WDR5: variants seen among roughly 807,000 people sequenced by gnomAD.
WDR5 encodes the protein WD repeat domain 5.
For synonymous variants in WDR5, 144 were observed against 161.6 expected (o/e 0.89, Z 0.83); for missense variants, 187 against 416.9 (o/e 0.45, Z 4.80).
rs149244803 is a variant in WDR5 at position 134,151,890 on chromosome 9, C to T, written c.585-93C>T. On this transcript the variant is annotated intron_variant, in intron 8 of 13. Coordinates refer to ENST00000358625, the MANE Select transcript of WDR5 (RefSeq NM_017588.3). Reference sequence around the variant, plus strand: ...ACTTTTAAAAAAAGATAGGGAAAAGCGTGCTAGTCCTAAAATTTATATCTG... The same window carrying T: ...ACTTTTAAAAAAAGATAGGGAAAAGTGTGCTAGTCCTAAAATTTATATCTG... 344 of 1,252,072 alleles carry T rather than the reference C, an allele frequency of 2.7e-4. 1 individual carries two copies. In the East Asian group the frequency reaches 7.8e-3, roughly 29 times the overall value. 77.6% of individuals were successfully genotyped at this position (1,252,072 alleles called of 1,614,324 possible). A position where few individuals can be genotyped will look rare whatever the true frequency, so the allele number is the denominator to read the frequency against.
At chr9:134,149,700 T>G (rs1047513581) in intron 8 of WDR5, among the ~76,000 whole-genome samples, 3 of 152,154 alleles carry the variant, frequency 2.0e-5, no homozygotes, top group Non-Finnish European at 2.9e-5. Flanking sequence ...GGGAAACAAA[T>G]GAGAACATAG....
Position 134,139,947 on chromosome 9 carries a change from A to G in WDR5, c.70A>G (p.Thr24Ala). 1 of 1,613,610 alleles carries G rather than the reference A, an allele frequency of 6.2e-7. No individual in the cohort carries two copies. The highest frequency in any genetic ancestry group is 8.5e-7 in the Non-Finnish European group (1 of 1,180,000). ...RAQPTPSSSA[T>A]QSKPTPVKPN... is the part of the protein sequence containing the mutation. ...ACAGCCAACCCCTTCGTCATCCGCC[A>G]CTCAGAGCAAGGTGCGTGCCCAGGG... The change falls in exon 2 of 14, where the codon ACT becomes GCT. Residue 24 changes from threonine to alanine, a missense_variant. By Grantham distance (58) the Thr-to-Ala change is moderately conservative. Coordinates refer to ENST00000358625, the MANE Select transcript of WDR5 (RefSeq NM_017588.3).
rs750832294 is a variant in WDR5, at chr9:134,140,831, T to TTCATGTACG, written c.190+21_190+22insCATGTACGT. The TTCATGTACG allele has an allele frequency of 1.2e-6, 2 of 1,606,466 alleles. No homozygotes were observed. The highest frequency in any genetic ancestry group is 1.7e-6 in the Non-Finnish European group (2 of 1,173,078). ...GTTCATGTACGTAGCACTGAGGCCC[T>TTCATGTACG]TAGCTGCTGGGAGAGGCGGTCTGAG... On this transcript the variant is annotated intron_variant, in intron 3 of 13. Coordinates refer to ENST00000358625, the MANE Select transcript of WDR5 (RefSeq NM_017588.3).
At position 134,139,888 on chromosome 9, in the gene WDR5, A is replaced by G; in HGVS notation, c.11A>G (p.Glu4Gly). Residue 4 changes from glutamate to glycine, a missense_variant, in exon 2 of 14, where the codon GAG becomes GGG. Coordinates refer to ENST00000358625, the MANE Select transcript of WDR5 (RefSeq NM_017588.3). MAT[E>G]EKKPETEAAR... is the part of the protein sequence containing the mutation. ...GCCAGCGTCAGAGCCATGGCGACGGAGGAGAAGAAGCCCGAGACCGAGGCC... is the reference window on the plus strand; with the variant it reads ...GCCAGCGTCAGAGCCATGGCGACGGGGGAGAAGAAGCCCGAGACCGAGGCC... 1.2e-6 allele frequency: 2 copies of G among 1,613,448 alleles called. No individual in the cohort carries two copies. The highest frequency in any genetic ancestry group is 1.7e-6 in the Non-Finnish European group (2 of 1,180,000).
chr9:134,156,238 A>G (rs1229355180), intron 12 of WDR5, among the ~76,000 whole-genome samples: 1 of 152,220 alleles, frequency 6.6e-6, no homozygotes, highest in Non-Finnish European at 1.5e-5. Context: ...AGCATCTTCC[A>G]TCCTGGAAGC....
At chr9:134,142,581 G>A in intron 6 of WDR5, 55 bp from the exon 7 acceptor site, 1 of 1,598,072 alleles carries the variant, frequency 6.3e-7, no homozygotes, top group Non-Finnish European at 8.6e-7. Flanking sequence ...TAGGTTCTGG[G>A]GAGGTTTGTC....
intron 12 of WDR5, 63 bp downstream of exon 12, chr9:134,155,830 C>T: frequency 2.0e-6 from 3 of 1,499,464 alleles, no homozygotes; most frequent in Non-Finnish European, 2.8e-6. Flanking sequence ...GAGGTCACAC[C>T]TGTTACAGGT....
At chr9:134,150,828 G>A (rs887938850) in intron 8 of WDR5, among the ~76,000 whole-genome samples, 4 of 151,716 alleles carry the variant, frequency 2.6e-5, no homozygotes, top group Admixed American at 6.6e-5. Context: ...GTGTGATCTC[G>A]CGTTTAGTGC....
In WDR5 at chr9:134,142,674, G is replaced by C. The variant is rs1443219948; in HGVS notation, c.483G>C (p.Gly161=). 6.2e-7 allele frequency: 1 copy of C among 1,614,234 alleles called. No individual in the cohort carries two copies. The highest frequency in any genetic ancestry group is 1.7e-5 in the Admixed American group (1 of 60,028). Residue 161 remains glycine, a synonymous_variant, in exon 7 of 14, where the codon GGG becomes GGC. Transcript: ENST00000358625. ...ESVRIWDVKT[G]KCLKTLPAHS... is the part of the protein sequence containing the mutation. ...TGAGGATATGGGATGTGAAAACAGG[G>C]AAGTGCCTCAAGACTTTGCCAGCTC...
intron 1 of WDR5, among the ~76,000 whole-genome samples, chr9:134,137,457 C>T (rs1381542036): frequency 6.6e-6 from 1 of 151,942 alleles, no homozygotes; most frequent in South Asian, 2.1e-4. Context: ...CTGAGGCGGG[C>T]GGATTGCCTG....
chr9:134,142,828 T>A, intron 7 of WDR5, 109 bp downstream of exon 7: 3 of 1,124,684 alleles, frequency 2.7e-6, no homozygotes, highest in Admixed American at 1.9e-5. Flanking sequence ...GGCCTGTGCC[T>A]AGCTGATTCC....
At chr9:134,136,466 C>T (rs182463490) in intron 1 of WDR5, among the ~76,000 whole-genome samples, 362 of 152,164 alleles carry the variant, frequency 2.4e-3, no homozygotes, top group African/African-American at 8.0e-3. Context: ...CTGACAAGGC[C>T]AGAGCGCCGG....
At chr9:134,155,837 A>G in intron 12 of WDR5, 70 bp downstream of exon 12, 1 of 1,453,398 alleles carries the variant, frequency 6.9e-7, no homozygotes, top group African/African-American at 1.4e-5. Flanking sequence ...CACCTGTTAC[A>G]GGTTGCTTTA....
At chr9:134,156,625 G>A (rs1386689949) in intron 13 of WDR5, 32 bp downstream of exon 13, 1 of 1,607,836 alleles carries the variant, frequency 6.2e-7, no homozygotes, top group African/African-American at 1.3e-5. Flanking sequence ...GTCACTGGCT[G>A]CCTGTTGATG....
In WDR5 at chr9:134,158,254, A is replaced by C. The variant is rs1270389930; in HGVS notation, c.*261A>C. The C allele has an allele frequency of 3.1e-6, 1 of 326,976 alleles. No individual in the cohort carries two copies. The highest frequency in any genetic ancestry group is 5.6e-6 in the Non-Finnish European group (1 of 179,028). The allele number at this position is 326,976 out of a possible 1,614,324, so 20.3% of individuals were successfully genotyped here. On this transcript the variant is annotated 3_prime_UTR_variant, in exon 14 of 14. Transcript: ENST00000358625. Reference sequence around the variant, plus strand: ...AGTCTATTGTGTTCAAACAGAGTCAACAAAAGTTTTTAATTTTTTATTACA... The same window carrying C: ...AGTCTATTGTGTTCAAACAGAGTCACCAAAAGTTTTTAATTTTTTATTACA...
chr9:134,141,933 G>GT lies in WDR5; in HGVS notation c.265-10dup, dbSNP rs1329278983. On this transcript the variant is annotated splice_polypyrimidine_tract_variant and intron_variant, in intron 4 of 13. Coordinates refer to ENST00000358625, the MANE Select transcript of WDR5 (RefSeq NM_017588.3). The stretch of plus-strand genomic sequence containing the variant: ...TTTGTCCTGTCAAGTTACTGACCCT[G>GT]TTTTTTCTCCCCAAGGGAATATCCG... The GT allele has an allele frequency of 2.5e-6, 4 of 1,613,460 alleles. No homozygotes were observed. Among genetic ancestry groups the GT allele is most frequent in the Admixed American group, 1.7e-5 (1 of 60,006 alleles).
chr9:134,137,339 C>T (rs1436407177), intron 1 of WDR5, among the ~76,000 whole-genome samples: 1 of 152,154 alleles, frequency 6.6e-6, no homozygotes, highest in Non-Finnish European at 1.5e-5. Context: ...TCCAACCTTC[C>T]TGTTCTCTCA....
intron 7 of WDR5, among the ~76,000 whole-genome samples, chr9:134,144,084 G>T (rs1832042155): frequency 6.6e-6 from 1 of 152,268 alleles, no homozygotes; most frequent in South Asian, 2.1e-4. Flanking sequence ...ACCCTTGGAA[G>T]GCTTTGCCCG....
chr9:134,151,713 G>A (rs750465455), intron 8 of WDR5, among the ~76,000 whole-genome samples: 29 of 152,106 alleles, frequency 1.9e-4, no homozygotes, highest in Non-Finnish European at 3.5e-4. Flanking sequence ...CTGTGTTGGG[G>A]GTCAACTGTG....
Sources: gnomAD v4.1 joint callset for allele counts (sites outside exome capture counted in the v4.1 genomes callset) on GRCh38, gnomAD v4.1.1 for gene constraint, MANE v1.5 for transcripts, NCBI Gene and HGNC (gene_info 2026-07-23, HGNC 2026-07-21) for gene names.